CFAP47: variants seen among roughly 807,000 people sequenced by gnomAD.
The protein encoded by CFAP47 is cilia and flagella associated protein 47.
A neutral mutation model predicts 148.1 loss-of-function variants in CFAP47; 29 were observed. The observed-to-expected ratio is 0.20, with a 90% CI of 0.15 to 0.27. The LOEUF is 0.27. Among genes scored for constraint, CFAP47 ranks in the 10% least tolerant of loss-of-function variants. The pLI is 1.00. For synonymous variants in CFAP47, 664 were observed against 577.3 expected (o/e 1.15, Z -2.15); for missense variants, 1,872 against 1,697.5 (o/e 1.10, Z -1.81).
chrX:36,266,165 G>A (rs4077454), intron 49 of CFAP47, among the ~76,000 whole-genome samples: 23,136 of 109,218 alleles, frequency 0.21, 4,166 homozygotes, highest in African/African-American at 0.6. Flanking sequence ...TCCAGTGGGG[G>A]TGGCGAGAGC....
intron 39 of CFAP47, among the ~76,000 whole-genome samples, chrX:36,178,821 T>C (rs1052611685): frequency 8.9e-6 from 1 of 112,011 alleles, no homozygotes; most frequent in African/African-American, 3.2e-5. Flanking sequence ...TGCGTCTCTA[T>C]AACTATTTCT....
intron 21 of CFAP47, among the ~76,000 whole-genome samples, chrX:36,013,352 C>T (rs931490858): frequency 4.5e-5 from 5 of 111,982 alleles, no homozygotes; most frequent in African/African-American, 1.6e-4. Flanking sequence ...CAGTCCATTT[C>T]GGGTTTTGAA....
chrX:36,206,630 A>G (rs1380600431), intron 45 of CFAP47, among the ~76,000 whole-genome samples: 1 of 111,909 alleles, frequency 8.9e-6, no homozygotes, highest in Non-Finnish European at 1.9e-5. Context: ...AAAATGTATA[A>G]CCAAGGATAC....
chrX:36,082,586 G>A (rs1938004037), intron 29 of CFAP47, among the ~76,000 whole-genome samples: 1 of 111,376 alleles, frequency 9.0e-6, no homozygotes, highest in African/African-American at 3.3e-5. Flanking sequence ...AGTAATTGCA[G>A]TACATGTAGG....
intron 49 of CFAP47, among the ~76,000 whole-genome samples, chrX:36,260,181 T>A (rs6629062): frequency 0.21 from 22,916 of 110,430 alleles, 4,178 homozygotes; most frequent in African/African-American, 0.6. Context: ...AATAGCCCTG[T>A]GATAAACAAT....
chrX:36,213,514 A>C (rs1940125770), intron 45 of CFAP47, among the ~76,000 whole-genome samples: 1 of 112,020 alleles, frequency 8.9e-6, no homozygotes, highest in African/African-American at 3.2e-5. Flanking sequence ...TAGTTAATCC[A>C]TGTATTAGAA....
intron 49 of CFAP47, among the ~76,000 whole-genome samples, chrX:36,271,548 A>G (rs782440414): frequency 8.9e-6 from 1 of 112,143 alleles, no homozygotes; most frequent in East Asian, 2.8e-4. Flanking sequence ...GTCAAATTAA[A>G]TGTTATGTAA....
At chrX:36,167,973 G>A (rs963032630) in intron 39 of CFAP47, among the ~76,000 whole-genome samples, 3 of 110,782 alleles carry the variant, frequency 2.7e-5, no homozygotes, top group African/African-American at 9.8e-5. Context: ...CATGGTGTCA[G>A]GCTTAATGTT....
chrX:36,200,419 C>G lies in CFAP47; in HGVS notation c.6362C>G (p.Thr2121Ser), dbSNP rs1049100865. ...LIYVAEGKGMTPLPSSCLPMN... is the reference protein window; with the variant it reads ...LIYVAEGKGMSPLPSSCLPMN... The stretch of plus-strand genomic sequence containing the variant: ...TATGTTGCGGAAGGAAAAGGTATGA[C>G]CCCCTTGCCTTCCAGTTGCCTTCCA... Residue 2121 changes from threonine (T) to serine (S), a missense_variant, in exon 43 of 64, where the codon ACC becomes AGC. Physicochemically the swap from Thr to Ser is moderately conservative, Grantham distance 58 (BLOSUM62 1). Coordinates refer to ENST00000378653, the MANE Select transcript of CFAP47 (RefSeq NM_001304548.2). 1 of 295,065 alleles carries G rather than the reference C, an allele frequency of 3.4e-6. No individual in the cohort carries two copies. The highest frequency in any genetic ancestry group is 5.9e-6 in the Non-Finnish European group (1 of 169,466). 24.3% of individuals were successfully genotyped at this position (295,065 alleles called of 1,213,427 possible). A position where few individuals can be genotyped will look rare whatever the true frequency, so the allele number is the denominator to read the frequency against.
chrX:35,986,986 C>T (rs1174295631), intron 15 of CFAP47, among the ~76,000 whole-genome samples: 1 of 111,331 alleles, frequency 9.0e-6, no homozygotes, highest in Non-Finnish European at 1.9e-5. Context: ...CAGCTTTGTC[C>T]CAGAGGGGCA....
At chrX:36,159,804 AGGAACTT>A (rs1167788491) in intron 38 of CFAP47, among the ~76,000 whole-genome samples, 1 of 111,902 alleles carries the variant, frequency 8.9e-6, no homozygotes, top group Non-Finnish European at 1.9e-5. Context: ...GTTCTCTGGC[AGGAACTT>A]TCATCAGTTT....
intron 25 of CFAP47, among the ~76,000 whole-genome samples, chrX:36,039,896 T>C (rs1311601404): frequency 8.9e-6 from 1 of 112,074 alleles, no homozygotes; most frequent in Non-Finnish European, 1.9e-5. Flanking sequence ...CATGATAATT[T>C]CCCTCTTGCT....
At chrX:36,048,795 T>C in intron 26 of CFAP47, among the ~76,000 whole-genome samples, 1 of 111,994 alleles carries the variant, frequency 8.9e-6, no homozygotes, top group Non-Finnish European at 1.9e-5. Flanking sequence ...AACCTAAATA[T>C]ATATCTGTGT....
At chrX:36,263,281 G>A (rs913798507) in intron 49 of CFAP47, among the ~76,000 whole-genome samples, 1 of 111,968 alleles carries the variant, frequency 8.9e-6, no homozygotes, top group Non-Finnish European at 1.9e-5. Context: ...GAGCTCCATC[G>A]TATGTTATTT....
intron 3 of CFAP47, among the ~76,000 whole-genome samples, chrX:35,946,807 G>A (rs1281376790): frequency 8.9e-6 from 1 of 111,810 alleles, no homozygotes; most frequent in Non-Finnish European, 1.9e-5. Context: ...AAAGGGACTA[G>A]TGATTGGCTG....
intron 49 of CFAP47, among the ~76,000 whole-genome samples, chrX:36,259,605 C>G (rs1031727180): frequency 1.8e-5 from 2 of 111,238 alleles, no homozygotes; most frequent in Non-Finnish European, 3.8e-5. Context: ...TTAGGCACAT[C>G]GTTTGTCAAT....
At chrX:36,117,607 T>C (rs1938663911) in intron 33 of CFAP47, among the ~76,000 whole-genome samples, 1 of 112,229 alleles carries the variant, frequency 8.9e-6, no homozygotes, top group Admixed American at 9.5e-5. Context: ...ATTTTTCTTA[T>C]AGAGTTGTTT....
chrX:35,947,953 C>T (rs1257090696), intron 3 of CFAP47, among the ~76,000 whole-genome samples: 4 of 111,682 alleles, frequency 3.6e-5, no homozygotes, highest in Non-Finnish European at 5.6e-5. Flanking sequence ...AGATATTGGA[C>T]TTACAATTAA....
Position 36,104,515 on chromosome X carries a change from G to A in CFAP47, c.5144G>A (p.Arg1715His), listed in dbSNP as rs1164903778. ...CAATTTCAGGTTTTGGTTCTATCCC[G>A]TGTAGTGCCATACTGCAGCAATAAT... ...LQIYKVLVLSRVVPYCSNNMP... is the reference protein window; with the variant it reads ...LQIYKVLVLSHVVPYCSNNMP... Residue 1715 changes from arginine to histidine, a missense_variant, in exon 33 of 64, where the codon CGT (arginine) becomes CAT (histidine). By Grantham distance (29) the Arg-to-His change is conservative. Coordinates refer to ENST00000378653, the MANE Select transcript of CFAP47 (RefSeq NM_001304548.2). The A allele has an allele frequency of 1.2e-5, 11 of 911,377 alleles. No individual in the cohort carries two copies. The highest frequency in any genetic ancestry group is 1.6e-5 in the Non-Finnish European group (11 of 672,207). The allele number at this position is 911,377 out of a possible 1,213,427, so 75.1% of individuals were successfully genotyped here.
Sources: gnomAD v4.1 joint callset for allele counts (sites outside exome capture counted in the v4.1 genomes callset) on GRCh38, gnomAD v4.1.1 for gene constraint, MANE v1.5 for transcripts, NCBI Gene and HGNC (gene_info 2026-07-23, HGNC 2026-07-21) for gene names.